Variants in SLC7A5 observed in about 807,000 individuals in gnomAD.
The protein encoded by SLC7A5 is solute carrier family 7 member 5.
SLC7A5 carries 23 observed loss-of-function variants against 50.2 expected under a neutral mutation model. The observed-to-expected ratio is 0.46, with a 90% CI of 0.33 to 0.65. The LOEUF (loss-of-function observed/expected upper bound fraction) is 0.65, where lower values mean the gene tolerates loss of function less well. Ranked by LOEUF, SLC7A5 falls within the 30% of genes least tolerant of loss-of-function variation. The pLI, the probability that SLC7A5 is intolerant of heterozygous loss-of-function variation, is 0.02. For synonymous variants in SLC7A5, 393 were observed against 330.6 expected (o/e 1.19, Z -2.05); for missense variants, 578 against 684.4 (o/e 0.84, Z 1.73).
At position 87,853,376 on chromosome 16, in the gene SLC7A5, A is replaced by C. The variant is rs558191201; in HGVS notation, c.539-1527T>G. On this transcript the variant is annotated intron_variant, in intron 1 of 9. Transcript: ENST00000261622. This position sits in a 1 kb window ranked among gnomAD's most constrained non-coding sequence, Gnocchi z 4.4. ...GCGGAGACGGCTACTACACACCAGG[A>C]AAGTCTGGTTGAAAAATGTCTGAAA... 1.3e-5 allele frequency among the ~76,000 whole-genome samples: 2 copies of C among 152,330 alleles called. No individual in the cohort carries two copies. The highest frequency in any genetic ancestry group is 1.3e-4 in the Admixed American group (2 of 15,304).
At chr16:87,851,687 C>T (rs536599648) in intron 2 of SLC7A5, 37 bp downstream of exon 2, 50 of 1,602,468 alleles carry the variant, frequency 3.1e-5, no homozygotes, top group Non-Finnish European at 4.0e-5. Flanking sequence ...GGCAAAGCCT[C>T]GAGGGGCCGC....
At chr16:87,846,972 C>T (rs2055162204) in intron 2 of SLC7A5, among the ~76,000 whole-genome samples, 1 of 152,184 alleles carries the variant, frequency 6.6e-6, no homozygotes, top group Non-Finnish European at 1.5e-5. Flanking sequence ...GGCGGCAAAA[C>T]TAGAATCCCA....
chr16:87,859,049 G>A (rs533258189), intron 1 of SLC7A5, among the ~76,000 whole-genome samples: 1 of 152,296 alleles, frequency 6.6e-6, no homozygotes, highest in East Asian at 1.9e-4. Flanking sequence ...CTCCTCACCT[G>A]CCCCCTCACC....
intron 1 of SLC7A5, among the ~76,000 whole-genome samples, chr16:87,867,524 G>T (rs1187630771): frequency 6.6e-6 from 1 of 152,004 alleles, no homozygotes; most frequent in Non-Finnish European, 1.5e-5. Flanking sequence ...TGCCCTCGGG[G>T]CATTCTCACA....
In SLC7A5 at chr16:87,852,843, A is replaced by C. The variant is rs2055255426; in HGVS notation, c.539-994T>G. On this transcript the variant is annotated intron_variant, in intron 1 of 9. Transcript: ENST00000261622. This position sits in a 1 kb window ranked among gnomAD's most constrained non-coding sequence, Gnocchi z 4.5. ...GGGAAACAGCCACCCCCACAACTTA[A>C]AATGAAGTAAAATCATATTAATCCC... Among the ~76,000 whole-genome samples the C allele has an allele frequency of 6.6e-6, 1 of 152,066 alleles. No individual in the cohort carries two copies. Among genetic ancestry groups the C allele is most frequent in the South Asian group, 2.1e-4 (1 of 4,830 alleles).
intron 1 of SLC7A5, chr16:87,863,629 C>G (rs926417035): frequency 6.6e-6 from 1 of 152,116 alleles, no homozygotes; most frequent in Middle Eastern, 3.4e-3. Flanking sequence ...CGAAGACACG[C>G]GTGAAAGGAC....
chr16:87,857,907 G>C (rs552436050), intron 1 of SLC7A5, among the ~76,000 whole-genome samples: 2 of 152,150 alleles, frequency 1.3e-5, no homozygotes, highest in Non-Finnish European at 2.9e-5. Flanking sequence ...TCCAGAATGG[G>C]GCTGACACAT....
In SLC7A5 at chr16:87,837,905, G is replaced by A. The variant is rs748311564; in HGVS notation, c.1080C>T (p.Pro360=). ...FFVGSREGHL[P]SILSMIHPQL... is the part of the protein sequence containing the mutation. ...GTGGGTGGATCATGGAGAGGATGGA[G>A]GGCAGGTGGCCTTCCCGGGACCCCA... The change falls in exon 7 of 10, where the codon CCC becomes CCT. Residue 360 remains proline, a synonymous_variant. Transcript: ENST00000261622. 6.2e-7 allele frequency: 1 copy of A among 1,608,362 alleles called. No individual in the cohort carries two copies. Among genetic ancestry groups the A allele is most frequent in the Admixed American group, 1.7e-5 (1 of 59,256 alleles).
chr16:87,842,508 C>T (rs996344972), intron 2 of SLC7A5, among the ~76,000 whole-genome samples: 10 of 152,238 alleles, frequency 6.6e-5, no homozygotes, highest in African/African-American at 1.9e-4. Flanking sequence ...AGATTTCCTA[C>T]GGCAGAGCCC....
At chr16:87,859,913 A>AAAAACAAAACAAAACAAAAC (rs60586708) in intron 1 of SLC7A5, among the ~76,000 whole-genome samples, 1 of 151,016 alleles carries the variant, frequency 6.6e-6, no homozygotes, top group East Asian at 1.9e-4. Flanking sequence ...CCTGGGTGAC[A>AAAAACAAAACAAAACAAAAC]AAAACAAAAC....
At position 87,833,420 on chromosome 16, in the gene SLC7A5, G is replaced by C. The variant is rs111300308; in HGVS notation, c.1469-395C>G. 6.1e-3 allele frequency among the ~76,000 whole-genome samples: 932 copies of C among 152,354 alleles called. 8 individuals are homozygous for C. The highest frequency in any genetic ancestry group is 0.021 in the African/African-American group (883 of 41,590). Reference sequence around the variant, plus strand: ...TGCCTGGACTGTTCACAGCAGGCAGGGCCGGAGGGGCCAATCTGCTAACGG... The same window carrying C: ...TGCCTGGACTGTTCACAGCAGGCAGCGCCGGAGGGGCCAATCTGCTAACGG... On this transcript the variant is annotated intron_variant, in intron 9 of 9. Transcript: ENST00000261622. This position sits in a 1 kb window ranked among gnomAD's most constrained non-coding sequence, Gnocchi z 6.0.
intron 4 of SLC7A5, among the ~76,000 whole-genome samples, chr16:87,840,107 A>G (rs185431085): frequency 4.6e-5 from 7 of 152,308 alleles, no homozygotes; most frequent in Middle Eastern, 3.4e-3. Flanking sequence ...AGGAGAGTTA[A>G]GTCAGGCCAC....
In SLC7A5 at chr16:87,853,416, T is replaced by G. The variant is rs899367800; in HGVS notation, c.539-1567A>C. On this transcript the variant is annotated intron_variant, in intron 1 of 9. Transcript: ENST00000261622. This position sits in a 1 kb window ranked among gnomAD's most constrained non-coding sequence, Gnocchi z 4.4. Reference sequence around the variant, plus strand: ...AATGTCTGAAAGTCAGTGTTTTCGCTGCTATTCCTAAAATAAAATACTTGA... The same window carrying G: ...AATGTCTGAAAGTCAGTGTTTTCGCGGCTATTCCTAAAATAAAATACTTGA... Among the ~76,000 whole-genome samples the G allele has an allele frequency of 1.3e-5, 2 of 152,204 alleles. No homozygotes were observed. The highest frequency in any genetic ancestry group is 4.8e-5 in the African/African-American group (2 of 41,448).
In SLC7A5 at chr16:87,836,613, T is replaced by A; in HGVS notation, c.1175A>T (p.Asp392Val). ...GAAGAAGTTGATGACGGAGAAGATGTCCTTGGAGAAGGCGTAGAGCAGCGT... is the reference window on the plus strand; with the variant it reads ...GAAGAAGTTGATGACGGAGAAGATGACCTTGGAGAAGGCGTAGAGCAGCGT... ...VMTLLYAFSKDIFSVINFFSF... is the reference protein window; with the variant it reads ...VMTLLYAFSKVIFSVINFFSF... Residue 392 changes from aspartate to valine, a missense_variant, in exon 8 of 10, where the codon GAC becomes GTC. Around this residue, in one of 2 missense-constraint regions of SLC7A5, gnomAD observed 465 missense variants for 594.6 expected, o/e 0.78. Coordinates refer to ENST00000261622, the MANE Select transcript of SLC7A5 (RefSeq NM_003486.7). The A allele has an allele frequency of 6.2e-7, 1 of 1,613,494 alleles. No homozygotes were observed. The highest frequency in any genetic ancestry group is 8.5e-7 in the Non-Finnish European group (1 of 1,180,032).
Position 87,839,147 on chromosome 16 carries a change from C to T in SLC7A5, c.940-330G>A, listed in dbSNP as rs79727815. 8.8e-3 allele frequency among the ~76,000 whole-genome samples: 1,347 copies of T among 152,320 alleles called. 21 individuals are homozygous for T. Among genetic ancestry groups the T allele is most frequent in the African/African-American group, 0.03 (1,241 of 41,570 alleles). On this transcript the variant is annotated intron_variant, in intron 5 of 9. Transcript: ENST00000261622. The stretch of plus-strand genomic sequence containing the variant: ...CCACAGGCTCAGCACGGTGCCCTGC[C>T]GGCAGCGGGCTGGGAGTCAGAGCTT...
intron 1 of SLC7A5, among the ~76,000 whole-genome samples, chr16:87,868,501 T>G (rs1440160239): frequency 6.6e-6 from 1 of 152,154 alleles, no homozygotes; most frequent in Non-Finnish European, 1.5e-5. Context: ...CAGTCAGCAA[T>G]CGGAGCTCTA....
At chr16:87,834,797 G>T in intron 8 of SLC7A5, 1 of 616,332 alleles carries the variant, frequency 1.6e-6, no homozygotes, top group Non-Finnish European at 2.9e-6. Context: ...GTTGCCAGGG[G>T]CTCAGGCGGC....
At position 87,861,576 on chromosome 16, in the gene SLC7A5, GGCCAAGAGGT is replaced by G. The variant is rs1171060539; in HGVS notation, c.538+7299_538+7308del. Among the ~76,000 whole-genome samples the G allele has an allele frequency of 3.3e-5, 5 of 152,232 alleles. No homozygotes were observed. The highest frequency in any genetic ancestry group is 3.4e-3 in the Middle Eastern group (1 of 294). On this transcript the variant is annotated intron_variant, in intron 1 of 9. Coordinates refer to ENST00000261622, the MANE Select transcript of SLC7A5 (RefSeq NM_003486.7). This position sits in a 1 kb window ranked among gnomAD's most constrained non-coding sequence, Gnocchi z 4.2. ...GAGTGCAAAGTGGTGGCCAAGAGGTGGCCAAGAGGTGCCAAGAGGTGGTCCAAGAGTGTGC... is the reference window on the plus strand; with the variant it reads ...GAGTGCAAAGTGGTGGCCAAGAGGTGGCCAAGAGGTGGTCCAAGAGTGTGC...
In SLC7A5 at chr16:87,860,907, C is replaced by T. The variant is rs1194176201; in HGVS notation, c.538+7978G>A. The stretch of plus-strand genomic sequence containing the variant: ...TGACGGCCAGGGATGCAGGGAGAGA[C>T]GCCTCCCACACTCCCGGAGGCACGC... On this transcript the variant is annotated intron_variant, in intron 1 of 9. Transcript: ENST00000261622. The surrounding 1 kb of genome is among the most constrained non-coding windows in gnomAD (Gnocchi z 4.8). 4.6e-5 allele frequency among the ~76,000 whole-genome samples: 7 copies of T among 152,334 alleles called. No individual in the cohort carries two copies. The highest frequency in any genetic ancestry group is 1.3e-4 in the Admixed American group (2 of 15,308).
Sources: gnomAD v4.1 joint callset for allele counts (sites outside exome capture counted in the v4.1 genomes callset) on GRCh38, gnomAD v4.1.1 for gene constraint, gnomAD v4.1.1 regional missense constraint, Gnocchi (gnomAD v3.1) non-coding constraint, MANE v1.5 for transcripts, NCBI Gene and HGNC (gene_info 2026-07-23, HGNC 2026-07-21) for gene names.